The following CDH20 variants were observed in gnomAD, a reference collection of about 807,000 sequenced individuals.
CDH20 encodes cadherin-20.
CDH20 carries 29 observed loss-of-function variants against 74.2 expected under a neutral mutation model. The ratio of observed to expected loss-of-function variants is 0.39; its 90% CI spans 0.29 to 0.53. The LOEUF (loss-of-function observed/expected upper bound fraction) is 0.53. CDH20 is among the 20% of genes least tolerant of loss of function. The pLI, the probability that CDH20 is intolerant of heterozygous loss-of-function variation, is 0.69. For missense variants in CDH20, 988 were observed against 1,048.3 expected, an observed-to-expected ratio of 0.94 and a Z score of 0.79; for synonymous variants, 469 against 405.4, an observed-to-expected ratio of 1.16 and a Z score of -1.88.
intron 1 of CDH20, among the ~76,000 whole-genome samples, chr18:61,489,782 G>C (rs3826647): frequency 6.6e-6 from 1 of 151,906 alleles, no homozygotes; most frequent in African/African-American, 2.4e-5. Context: ...TCAGTGCTTC[G>C]GAGCCAAAAC....
At chr18:61,411,564 ATGTG>A (rs1204699253) in intron 1 of CDH20, among the ~76,000 whole-genome samples, 3 of 19,050 alleles carry the variant, frequency 1.6e-4, no homozygotes, top group African/African-American at 4.3e-4. Flanking sequence ...ATGTGTATAT[ATGTG>A]TGTGTGTGTG....
At chr18:61,343,905 A>C (rs1259486471) in intron 1 of CDH20, among the ~76,000 whole-genome samples, 2 of 152,160 alleles carry the variant, frequency 1.3e-5, no homozygotes, top group East Asian at 1.9e-4. Flanking sequence ...ACTGCCCTAC[A>C]GTGAAGTGAG....
At chr18:61,391,365 G>C (rs1911773439) in intron 1 of CDH20, among the ~76,000 whole-genome samples, 1 of 152,090 alleles carries the variant, frequency 6.6e-6, no homozygotes, top group African/African-American at 2.4e-5. Flanking sequence ...CTATTAGTGA[G>C]AGAATAAACT....
At chr18:61,349,847 C>T (rs936074734) in intron 1 of CDH20, among the ~76,000 whole-genome samples, 2 of 151,592 alleles carry the variant, frequency 1.3e-5, no homozygotes, top group African/African-American at 4.8e-5. Flanking sequence ...ACATGTAATT[C>T]GGCTTATATT....
chr18:61,406,363 C>T (rs1448163121), intron 1 of CDH20, among the ~76,000 whole-genome samples: 1 of 152,214 alleles, frequency 6.6e-6, no homozygotes, highest in East Asian at 1.9e-4. Context: ...AGTCTCATCT[C>T]ACTCATTTGT....
chr18:61,413,472 G>C (rs1384173836), intron 1 of CDH20, among the ~76,000 whole-genome samples: 4 of 152,110 alleles, frequency 2.6e-5, no homozygotes, highest in Non-Finnish European at 4.4e-5. Flanking sequence ...TGCAAGAAAA[G>C]TTTAAAGTTA....
intron 1 of CDH20, among the ~76,000 whole-genome samples, chr18:61,380,106 GAAGT>G (rs1454202765): frequency 3.9e-5 from 6 of 152,186 alleles, no homozygotes; most frequent in Admixed American, 3.9e-4. Context: ...GTGGGTTAGG[GAAGT>G]ACTGAAAGTG....
intron 1 of CDH20, among the ~76,000 whole-genome samples, chr18:61,450,389 A>T (rs1048198906): frequency 4.9e-4 from 1 of 2,060 alleles, no homozygotes; most frequent in African/African-American, 7.8e-4. Flanking sequence ...AACCCCTTTA[A>T]AAAAAAAAAA....
rs1445817526 is a variant in CDH20 at position 61,490,602 on chromosome 18, G to C, written c.49G>C (p.Gly17Arg). ...CAATGCAAAGAACTGGCTTGGACTT[G>C]GCATGTCCTTGTACTTCTGGGGGCT... ...MSNAKNWLGL[G>R]MSLYFWGLMD... The change falls in exon 2 of 12, where the codon GGC (glycine) becomes CGC (arginine). Residue 17 changes from glycine to arginine, a missense_variant. Physicochemically the swap from Gly to Arg is moderately radical, Grantham distance 125. Transcript: ENST00000262717. 1 of 1,613,996 alleles carries C rather than the reference G, an allele frequency of 6.2e-7. No individual in the cohort carries two copies. Among genetic ancestry groups the C allele is most frequent in the Non-Finnish European group, 8.5e-7 (1 of 1,180,024 alleles).
chr18:61,452,965 T>C (rs1909444323), intron 1 of CDH20, among the ~76,000 whole-genome samples: 1 of 152,190 alleles, frequency 6.6e-6, no homozygotes, highest in South Asian at 2.1e-4. Flanking sequence ...AAATTATAAG[T>C]TCACATAAGG....
chr18:61,411,382 G>C (rs1052629371), intron 1 of CDH20, among the ~76,000 whole-genome samples: 3 of 152,052 alleles, frequency 2.0e-5, no homozygotes, highest in South Asian at 2.1e-4. Flanking sequence ...ACTACCATTT[G>C]ATCCAGCAAT....
At chr18:61,374,689 G>C (rs1911155079) in intron 1 of CDH20, among the ~76,000 whole-genome samples, 2 of 151,914 alleles carry the variant, frequency 1.3e-5, no homozygotes, top group South Asian at 4.1e-4. Flanking sequence ...AGATTCTTAT[G>C]GACTTGAATA....
At chr18:61,525,964 ATTTTTTTT>A (rs1006282537) in intron 6 of CDH20, among the ~76,000 whole-genome samples, 2 of 84,366 alleles carry the variant, frequency 2.4e-5, no homozygotes, top group African/African-American at 5.6e-5. Context: ...CACCCAGCTA[ATTTTTTTT>A]TTTTTTTTTT....
chr18:61,464,015 G>A (rs1909873070), intron 1 of CDH20, among the ~76,000 whole-genome samples: 1 of 152,140 alleles, frequency 6.6e-6, no homozygotes, highest in East Asian at 1.9e-4. Context: ...CCAGCATGGA[G>A]CCCGGCAGAT....
At chr18:61,388,260 A>G (rs1911666813) in intron 1 of CDH20, among the ~76,000 whole-genome samples, 1 of 152,228 alleles carries the variant, frequency 6.6e-6, no homozygotes, top group Non-Finnish European at 1.5e-5. Flanking sequence ...ATCAGCATGT[A>G]GAAACTCAAA....
chr18:61,395,358 T>C (rs1038333509), intron 1 of CDH20, among the ~76,000 whole-genome samples: 6 of 152,224 alleles, frequency 3.9e-5, no homozygotes, highest in South Asian at 2.1e-4. Flanking sequence ...GCCTGGTACT[T>C]GATAAGCACT....
chr18:61,347,287 A>AATATATATATATATATAT (rs758677743), intron 1 of CDH20, among the ~76,000 whole-genome samples: 8 of 86,430 alleles, frequency 9.3e-5, no homozygotes, highest in African/African-American at 2.9e-4. Context: ...TGTCTCTGCT[A>AATATATATATATATATAT]ATATATATAT....
chr18:61,484,567 A>T (rs891612721), intron 1 of CDH20, among the ~76,000 whole-genome samples: 1 of 152,226 alleles, frequency 6.6e-6, no homozygotes, highest in South Asian at 2.1e-4. Flanking sequence ...AAGGATTTCT[A>T]AAGTGAAAAT....
At chr18:61,511,280 C>T (rs1190979319) in intron 6 of CDH20, among the ~76,000 whole-genome samples, 1 of 151,750 alleles carries the variant, frequency 6.6e-6, no homozygotes, top group Non-Finnish European at 1.5e-5. Flanking sequence ...GGAAGGATTG[C>T]TTGAGCCCAA....
Sources: allele counts gnomAD v4.1 joint callset (sites outside exome capture counted in the v4.1 genomes callset), GRCh38; gene constraint gnomAD v4.1.1; transcripts MANE v1.5; gene names NCBI Gene and HGNC (gene_info 2026-07-23, HGNC 2026-07-21).